The following ARPP21 variants were observed in gnomAD, a reference collection of about 807,000 sequenced individuals.
ARPP21 encodes cAMP-regulated phosphoprotein 21.
A neutral mutation model predicts 113.2 loss-of-function variants in ARPP21; 69 were observed. The observed-to-expected ratio is 0.61, with a 90% CI of 0.50 to 0.74. ARPP21 has a LOEUF of 0.74. Among genes scored for constraint, ARPP21 ranks in the 30% least tolerant of loss-of-function variants. The probability of loss-of-function intolerance (pLI) is 0.00; values close to 1 mark genes in which losing one functional copy is unlikely to be tolerated. For missense variants in ARPP21, 1,070 were observed against 1,037.4 expected, an observed-to-expected ratio of 1.03 and a Z score of -0.43; for synonymous variants, 368 against 375.5, an observed-to-expected ratio of 0.98 and a Z score of 0.23.
At position 35,650,094 on chromosome 3, in the gene ARPP21, G is replaced by T. The variant is rs1312320463; in HGVS notation, c.-213+9696G>T. The T allele has an allele frequency of 2.0e-5, 3 of 152,152 alleles. No individual in the cohort carries two copies. In the East Asian group the frequency reaches 5.8e-4, roughly 29 times the overall value. The allele number at this position is 152,152 out of a possible 1,614,324, so 9.4% of individuals were successfully genotyped here. A position where few individuals can be genotyped will look rare whatever the true frequency, so the allele number is the denominator to read the frequency against. On this transcript the variant is annotated intron_variant, in intron 1 of 20. Coordinates refer to ENST00000684406, the MANE Select transcript of ARPP21 (RefSeq NM_001385562.1). ...ACACGTTATCTTCTCTGAGACTGTGGCAGGCTTTAGGAACATGTAGAAAGC... is the reference window on the plus strand; with the variant it reads ...ACACGTTATCTTCTCTGAGACTGTGTCAGGCTTTAGGAACATGTAGAAAGC...
chr3:35,776,557 C>T (rs1031339599), intron 19 of ARPP21, among the ~76,000 whole-genome samples: 1 of 152,040 alleles, frequency 6.6e-6, no homozygotes. Flanking sequence ...CACCCTTTTG[C>T]CCTAGGATGG....
At chr3:35,754,400 T>C (rs528543080) in intron 19 of ARPP21, among the ~76,000 whole-genome samples, 2 of 151,910 alleles carry the variant, frequency 1.3e-5, no homozygotes, top group Non-Finnish European at 2.9e-5. Context: ...GGTGAGTTAT[T>C]AAAGAGTGAC....
chr3:35,720,738 A>G (rs957946233), intron 13 of ARPP21, among the ~76,000 whole-genome samples: 8 of 152,200 alleles, frequency 5.3e-5, no homozygotes, highest in African/African-American at 1.9e-4. Context: ...TATAAAACAC[A>G]TGCAATTTTG....
At chr3:35,765,984 T>C (rs1184441004) in intron 19 of ARPP21, among the ~76,000 whole-genome samples, 1 of 152,086 alleles carries the variant, frequency 6.6e-6, no homozygotes, top group Non-Finnish European at 1.5e-5. Context: ...TAGAGAGCAA[T>C]GACTGATTAT....
At chr3:35,745,951 C>T (rs2095019551) in intron 19 of ARPP21, among the ~76,000 whole-genome samples, 1 of 152,116 alleles carries the variant, frequency 6.6e-6, no homozygotes, top group Non-Finnish European at 1.5e-5. Flanking sequence ...AGAGTGCACT[C>T]TAGAGCAGCA....
intron 19 of ARPP21, among the ~76,000 whole-genome samples, chr3:35,748,395 G>GAAAC (rs1277914813): frequency 2.1e-5 from 3 of 140,340 alleles, no homozygotes; most frequent in South Asian, 2.3e-4. Context: ...AAAAAGAAAA[G>GAAAC]AAAGGGAGAA....
In ARPP21 at chr3:35,738,223, G is replaced by T; in HGVS notation, c.1654G>T (p.Gly552Trp). ...AGPLVTQSVQ[G>W]LQASSQSVQY... Reference sequence around the variant, plus strand: ...TTTTTCTTTCCTCCAGTCTGTCCAGGGGCTGCAGGCTTCCTCCCAGTCAGT... The same window carrying T: ...TTTTTCTTTCCTCCAGTCTGTCCAGTGGCTGCAGGCTTCCTCCCAGTCAGT... The change falls in exon 17 of 21, where the codon GGG becomes TGG. Residue 552 changes from glycine to tryptophan, a missense_variant. Coordinates refer to ENST00000684406, the MANE Select transcript of ARPP21 (RefSeq NM_001385562.1). 6.5e-7 allele frequency: 1 copy of T among 1,534,740 alleles called. No individual in the cohort carries two copies. Among genetic ancestry groups the T allele is most frequent in the East Asian group, 2.4e-5 (1 of 40,876 alleles).
chr3:35,659,291 A>C (rs78542741), intron 1 of ARPP21, among the ~76,000 whole-genome samples: 2,525 of 152,322 alleles, frequency 0.017, 68 homozygotes, highest in African/African-American at 0.057. Flanking sequence ...TAGACACAGC[A>C]CACAAGCTCA....
At chr3:35,703,643 G>GA (rs962448849) in intron 9 of ARPP21, among the ~76,000 whole-genome samples, 34 of 146,704 alleles carry the variant, frequency 2.3e-4, no homozygotes, top group African/African-American at 7.0e-4. Context: ...AAATCTACCA[G>GA]AAAAAAAAAA....
chr3:35,675,205 T>TTTTTTTTTTTTTTTTTTTTTTTGAGAC (rs2077189486), intron 1 of ARPP21, among the ~76,000 whole-genome samples: 1 of 151,678 alleles, frequency 6.6e-6, no homozygotes, highest in African/African-American at 2.4e-5. Context: ...ACCTTTCATG[T>TTTTTTTTTTTTTTTTTTTTTTTGAGAC]GGGTAAATTA....
At position 35,639,912 on chromosome 3, in the gene ARPP21, C is replaced by T. The variant is rs368767758; in HGVS notation, c.-699C>T. The T allele has an allele frequency of 6.6e-6, 1 of 152,348 alleles. No individual in the cohort carries two copies. Among genetic ancestry groups the T allele is most frequent in the Non-Finnish European group, 1.5e-5 (1 of 68,198 alleles). The allele number at this position is 152,348 out of a possible 1,614,324, so 9.4% of individuals were successfully genotyped here. On this transcript the variant is annotated 5_prime_UTR_variant, in exon 1 of 21. Transcript: ENST00000684406. This position sits in a 1 kb window ranked among gnomAD's most constrained non-coding sequence, Gnocchi z 5.0. Reference sequence around the variant, plus strand: ...GAGAGTGGCAGCTTTGAGAGCAGAGCGCAGCAAAGCGAGAATCCCGCGCCG... The same window carrying T: ...GAGAGTGGCAGCTTTGAGAGCAGAGTGCAGCAAAGCGAGAATCCCGCGCCG...
intron 3 of ARPP21, among the ~76,000 whole-genome samples, 198 bp from the exon 4 acceptor site, chr3:35,682,650 C>A (rs545190699): frequency 1.8e-4 from 27 of 151,540 alleles, no homozygotes; most frequent in Non-Finnish European, 3.1e-4. Context: ...AAAAGTTAGT[C>A]AAAAGTTTTT....
chr3:35,664,787 A>G (rs1459369327), intron 1 of ARPP21, among the ~76,000 whole-genome samples: 1 of 152,136 alleles, frequency 6.6e-6, no homozygotes, highest in Non-Finnish European at 1.5e-5. Flanking sequence ...GGCCAAGAAT[A>G]CAGCTGAGAC....
At chr3:35,711,345 T>C (rs750296253) in intron 11 of ARPP21, among the ~76,000 whole-genome samples, 2 of 152,198 alleles carry the variant, frequency 1.3e-5, no homozygotes, top group African/African-American at 4.8e-5. Flanking sequence ...AAATGGTCCC[T>C]ATTGTATATC....
chr3:35,777,330 G>A (rs904655356), intron 19 of ARPP21, among the ~76,000 whole-genome samples: 7 of 152,186 alleles, frequency 4.6e-5, no homozygotes, highest in Non-Finnish European at 8.8e-5. Context: ...AAAGCCCTGG[G>A]AAAGTGGGAA....
Position 35,792,410 on chromosome 3 carries a change from G to C in ARPP21, c.2166G>C (p.Gln722His). The change falls in exon 20 of 21, where the codon CAG becomes CAC. Residue 722 changes from glutamine (Q) to histidine (H), a missense_variant. Gln to His is a conservative substitution (Grantham distance 24). Coordinates refer to ENST00000684406, the MANE Select transcript of ARPP21 (RefSeq NM_001385562.1). ...AGYQPVLSGQ[Q>H]GFQGLIGVQQ... ...ACCAGCCAGTCTTGTCTGGTCAACAGGGATTCCAAGGCCTAATAGGAGTGC... is the reference window on the plus strand; with the variant it reads ...ACCAGCCAGTCTTGTCTGGTCAACACGGATTCCAAGGCCTAATAGGAGTGC... 1 of 1,614,036 alleles carries C rather than the reference G, an allele frequency of 6.2e-7. No homozygotes were observed. The highest frequency in any genetic ancestry group is 1.1e-5 in the South Asian group (1 of 91,084).
At chr3:35,782,556 G>A (rs2096547761) in intron 19 of ARPP21, among the ~76,000 whole-genome samples, 1 of 152,000 alleles carries the variant, frequency 6.6e-6, no homozygotes, top group Non-Finnish European at 1.5e-5. Flanking sequence ...ATCAAATAAA[G>A]TAAATAGTAG....
At chr3:35,769,562 T>G (rs116001920) in intron 19 of ARPP21, among the ~76,000 whole-genome samples, 1,809 of 152,294 alleles carry the variant, frequency 0.012, 12 homozygotes, top group African/African-American at 0.024. Context: ...TAAAAATTAT[T>G]TAATGGTCCT....
At chr3:35,754,722 T>C (rs2151151649) in intron 19 of ARPP21, among the ~76,000 whole-genome samples, 1 of 151,918 alleles carries the variant, frequency 6.6e-6, no homozygotes, top group Non-Finnish European at 1.5e-5. Flanking sequence ...CCCTAGGAGG[T>C]TACAGTAAAA....
Sources: allele counts gnomAD v4.1 joint callset (sites outside exome capture counted in the v4.1 genomes callset), GRCh38; gene constraint gnomAD v4.1.1; non-coding constraint Gnocchi (gnomAD v3.1); transcripts MANE v1.5; gene names NCBI Gene and HGNC (gene_info 2026-07-23, HGNC 2026-07-21).